Variants in QRSL1 observed in about 807,000 individuals in gnomAD.
The protein encoded by QRSL1 is glutaminyl-tRNA amidotransferase subunit QRSL1.
Under a neutral mutation model 61.6 loss-of-function variants are expected in QRSL1, and 54 were observed. The ratio of observed to expected loss-of-function variants is 0.88; its 90% confidence interval spans 0.70 to 1.10. The LOEUF is 1.10. Among genes scored for constraint, QRSL1 ranks in the 50% least tolerant of loss-of-function variants. The pLI, the probability that QRSL1 is intolerant of heterozygous loss-of-function variation, is 0.00. For missense variants in QRSL1, 505 were observed against 622.6 expected (o/e 0.81, Z 2.01); for synonymous variants, 228 against 225.7 (o/e 1.01, Z -0.09).
Position 106,665,897 on chromosome 6 carries a change from T to C in QRSL1, c.1482T>C (p.Phe494=), listed in dbSNP as rs761259409. The change falls in exon 11 of 11, where the codon TTT becomes TTC. Residue 494 remains phenylalanine, a synonymous_variant. Coordinates refer to ENST00000369046, the MANE Select transcript of QRSL1 (RefSeq NM_018292.5). The part of the protein sequence containing the change: ...DQQLLTVAKW[F]EKQVQFPVIQ... ...AGCTTCTTACAGTAGCCAAATGGTT[T>C]GAAAAACAAGTACAGTTTCCTGTTA... The C allele has an allele frequency of 1.2e-6, 2 of 1,613,984 alleles. No individual in the cohort carries two copies. Among genetic ancestry groups the C allele is most frequent in the South Asian group, 2.2e-5 (2 of 91,080 alleles).
chr6:106,638,166 C>T (rs1582406968), intron 1 of QRSL1, among the ~76,000 whole-genome samples: 1 of 152,276 alleles, frequency 6.6e-6, no homozygotes, highest in Non-Finnish European at 1.5e-5. Flanking sequence ...GTCTCTCTAG[C>T]TCTGGGTTTT....
chr6:106,645,387 G>A (rs1346404434), intron 4 of QRSL1, among the ~76,000 whole-genome samples: 3 of 151,502 alleles, frequency 2.0e-5, no homozygotes, highest in Non-Finnish European at 4.4e-5. Context: ...CATATAAATT[G>A]TACATATAAT....
chr6:106,652,493 G>A lies in QRSL1; in HGVS notation c.760G>A (p.Asp254Asn). The A allele has an allele frequency of 6.2e-7, 1 of 1,614,194 alleles. No homozygotes were observed. Residue 254 changes from aspartate (D) to asparagine (N), a missense_variant, in exon 7 of 11, where the codon GAC becomes AAC. By Grantham distance (23) the Asp-to-Asn change is conservative. Coordinates refer to ENST00000369046, the MANE Select transcript of QRSL1 (RefSeq NM_018292.5). ...LGALAGPDPR[D>N]STTVHEPINK... Reference sequence around the variant, plus strand: ...TGCACTGGCCGGACCTGACCCCAGGGACTCTACCACAGTACATGAACCTAT... The same window carrying A: ...TGCACTGGCCGGACCTGACCCCAGGAACTCTACCACAGTACATGAACCTAT...
intron 8 of QRSL1, 96 bp downstream of exon 8, chr6:106,655,018 G>T: frequency 8.5e-7 from 1 of 1,171,626 alleles, no homozygotes; most frequent in South Asian, 1.6e-5. Context: ...TTGAGATAAT[G>T]TTAGTGATTC....
At chr6:106,661,270 T>C (rs1365873947) in intron 9 of QRSL1, among the ~76,000 whole-genome samples, 1 of 151,774 alleles carries the variant, frequency 6.6e-6, no homozygotes, top group African/African-American at 2.4e-5. Context: ...CCCACCACCA[T>C]GCCCGGCTAA....
At chr6:106,642,862 C>A (rs947052945) in intron 3 of QRSL1, 132 bp from the exon 4 acceptor site, 3 of 786,296 alleles carry the variant, frequency 3.8e-6, no homozygotes, top group Non-Finnish European at 4.6e-6. Flanking sequence ...GAGAAGCGCA[C>A]TGTGTGAGAA....
intron 1 of QRSL1, among the ~76,000 whole-genome samples, chr6:106,639,134 T>TTTTTTTTTTTTTTG (rs1776974966): frequency 7.4e-6 from 1 of 135,812 alleles, no homozygotes; most frequent in African/African-American, 2.9e-5. Context: ...TTTTTTTTTT[T>TTTTTTTTTTTTTTG]TTTTTTTTTT....
intron 1 of QRSL1, among the ~76,000 whole-genome samples, chr6:106,636,535 G>A (rs992357161): frequency 5.3e-5 from 8 of 152,002 alleles, no homozygotes; most frequent in African/African-American, 1.7e-4. Flanking sequence ...TGGCCAGGAT[G>A]GTCCTGATCT....
At chr6:106,645,860 A>T (rs1248994079) in intron 4 of QRSL1, among the ~76,000 whole-genome samples, 1 of 152,098 alleles carries the variant, frequency 6.6e-6, no homozygotes, top group African/African-American at 2.4e-5. Context: ...GTTCTAGTTG[A>T]TCTTTGTGGA....
chr6:106,642,502 T>C lies in QRSL1; in HGVS notation c.284-492T>C, dbSNP rs781333698. ...AAAGAGGAGAGGCACCCAATATGTG[T>C]TTTCTAGGCCTTTTACAAAACAGGG... On this transcript the variant is annotated intron_variant, in intron 3 of 10. Coordinates refer to ENST00000369046, the MANE Select transcript of QRSL1 (RefSeq NM_018292.5). 248 of 693,032 alleles carry C rather than the reference T, an allele frequency of 3.6e-4. 1 individual carries two copies. Among genetic ancestry groups the C allele is most frequent in the South Asian group, 5.6e-4 (37 of 66,618 alleles). The allele number at this position is 693,032 out of a possible 1,614,324, so 42.9% of individuals were successfully genotyped here. A position where few individuals can be genotyped will look rare whatever the true frequency, so the allele number is the denominator to read the frequency against.
intron 3 of QRSL1, chr6:106,642,325 G>T: frequency 3.4e-6 from 1 of 297,942 alleles, no homozygotes. Context: ...CAAAGTTTTG[G>T]GATTACAGGC....
intron 1 of QRSL1, among the ~76,000 whole-genome samples, chr6:106,636,356 C>T (rs1179485938): frequency 1.4e-5 from 2 of 145,998 alleles, no homozygotes; most frequent in South Asian, 2.2e-4. Context: ...GAGTCTCGCT[C>T]TGTCTCCAGG....
intron 9 of QRSL1, among the ~76,000 whole-genome samples, chr6:106,658,252 A>G (rs886165411): frequency 6.6e-6 from 1 of 151,986 alleles, no homozygotes; most frequent in Admixed American, 6.5e-5. Context: ...ATAAATTTCC[A>G]TCTGGTATAA....
chr6:106,642,043 T>A (rs763293347), intron 3 of QRSL1, among the ~76,000 whole-genome samples: 2 of 152,188 alleles, frequency 1.3e-5, no homozygotes, highest in African/African-American at 4.8e-5. Flanking sequence ...GACTCTTGAT[T>A]TTTTGTTTTT....
intron 5 of QRSL1, among the ~76,000 whole-genome samples, chr6:106,651,087 G>A (rs759140220): frequency 6.6e-6 from 1 of 152,038 alleles, no homozygotes; most frequent in African/African-American, 2.4e-5. Flanking sequence ...CCCTCTCCCA[G>A]CCCTGGTAAC....
chr6:106,659,901 C>T lies in QRSL1; in HGVS notation c.1161-3079C>T, dbSNP rs994712830. On this transcript the variant is annotated intron_variant, in intron 9 of 10. Coordinates refer to ENST00000369046, the MANE Select transcript of QRSL1 (RefSeq NM_018292.5). ...TCTAGGAATTGTTCAGTCCACTGCT[C>T]TTTGGGGATTGTTTCCCCAGCCTTG... 2.9e-4 allele frequency among the ~76,000 whole-genome samples: 44 copies of T among 152,202 alleles called. 1 individual carries two copies. Among genetic ancestry groups the T allele is most frequent in the Non-Finnish European group, 8.8e-5 (6 of 68,028 alleles).
chr6:106,665,876 T>C lies in QRSL1; in HGVS notation c.1461T>C (p.Leu487=), dbSNP rs771305451. The change falls in exon 11 of 11, where the codon CTT becomes CTC. Residue 487 remains leucine (L), a synonymous_variant. Coordinates refer to ENST00000369046, the MANE Select transcript of QRSL1 (RefSeq NM_018292.5). ...FIGRAFCDQQ[L]LTVAKWFEKQ... ...GACGTGCGTTTTGTGACCAGCAGCTTCTTACAGTAGCCAAATGGTTTGAAA... is the reference window on the plus strand; with the variant it reads ...GACGTGCGTTTTGTGACCAGCAGCTCCTTACAGTAGCCAAATGGTTTGAAA... The C allele has an allele frequency of 1.2e-6, 2 of 1,613,882 alleles. No homozygotes were observed. The highest frequency in any genetic ancestry group is 1.1e-5 in the South Asian group (1 of 91,082).
chr6:106,644,676 G>A (rs1481799283), intron 4 of QRSL1, among the ~76,000 whole-genome samples: 4 of 151,630 alleles, frequency 2.6e-5, no homozygotes, highest in African/African-American at 4.8e-5. Flanking sequence ...ACGCACCACC[G>A]GGCCCAGCTA....
At chr6:106,635,884 A>G (rs1776912284) in intron 1 of QRSL1, among the ~76,000 whole-genome samples, 1 of 152,074 alleles carries the variant, frequency 6.6e-6, no homozygotes, top group Non-Finnish European at 1.5e-5. Flanking sequence ...AAAAAAAAAA[A>G]GACAGTTCTT....
Sources: gnomAD v4.1 joint callset for allele counts (sites outside exome capture counted in the v4.1 genomes callset) on GRCh38, gnomAD v4.1.1 for gene constraint, MANE v1.5 for transcripts, NCBI Gene and HGNC (gene_info 2026-07-23, HGNC 2026-07-21) for gene names.